DLC1: variants seen among roughly 807,000 people sequenced by gnomAD.
DLC1 encodes DLC1 Rho GTPase activating protein.
In DLC1, 54 loss-of-function variants were observed where a neutral mutation model predicts 140.3. The observed-to-expected ratio is 0.38, with a 90% CI of 0.31 to 0.48. DLC1 has a LOEUF of 0.48. Among genes scored for constraint, DLC1 ranks in the 20% least tolerant of loss-of-function variants. DLC1 has a pLI of 0.96. For synonymous variants in DLC1, 986 were observed against 728.1 expected, an observed-to-expected ratio of 1.35 and a Z score of -5.70; for missense variants, 2,536 against 1,907.0, an observed-to-expected ratio of 1.33 and a Z score of -6.14.
intron 4 of DLC1, among the ~76,000 whole-genome samples, chr8:13,364,379 A>G (rs1369490572): frequency 6.6e-6 from 1 of 151,242 alleles, no homozygotes; most frequent in East Asian, 2.0e-4. Context: ...GCTCACTACA[A>G]TCTCCATCTC....
At chr8:13,475,406 A>G (rs1026834554) in intron 2 of DLC1, among the ~76,000 whole-genome samples, 3 of 152,208 alleles carry the variant, frequency 2.0e-5, no homozygotes, top group Admixed American at 6.5e-5. Flanking sequence ...GTAAAAGGCC[A>G]TCTTTTATAT....
intron 2 of DLC1, among the ~76,000 whole-genome samples, chr8:13,479,771 A>C (rs184172388): frequency 3.5e-4 from 53 of 150,546 alleles, no homozygotes; most frequent in Admixed American, 1.6e-3. Flanking sequence ...TGTCTCAGAA[A>C]GAAAGAAAAG....
chr8:13,280,027 C>T (rs1831310015), intron 5 of DLC1, among the ~76,000 whole-genome samples: 1 of 151,836 alleles, frequency 6.6e-6, no homozygotes. Flanking sequence ...CACCTGTAAT[C>T]CCAGCACTTT....
intron 2 of DLC1, among the ~76,000 whole-genome samples, chr8:13,441,890 T>G (rs1798526345): frequency 6.6e-6 from 1 of 152,172 alleles, no homozygotes; most frequent in Non-Finnish European, 1.5e-5. Context: ...AGGGCCTGCA[T>G]TGCCAAGTCA....
At position 13,597,622 on chromosome 8, in the gene DLC1, A is replaced by G. The variant is rs1363651919; in HGVS notation, c.-126+6915T>C. 2.6e-5 allele frequency among the ~76,000 whole-genome samples: 4 copies of G among 152,086 alleles called. No individual in the cohort carries two copies. In the East Asian group the frequency reaches 7.7e-4, roughly 29 times the overall value. ...TGTAATGTGTGTGTATATATCATGG[A>G]GGATAAATGCTTAAATGGAATTATG... On this transcript the variant is annotated intron_variant, in intron 1 of 1. Coordinates refer to the DLC1 transcript ENST00000631382.
chr8:13,230,123 C>T (rs1828978892), intron 5 of DLC1, among the ~76,000 whole-genome samples: 1 of 152,212 alleles, frequency 6.6e-6, no homozygotes, highest in Admixed American at 6.5e-5. Flanking sequence ...ATTTCATGCA[C>T]ACCAAACAGG....
chr8:13,360,486 C>A (rs1309398306), intron 4 of DLC1, among the ~76,000 whole-genome samples: 2 of 152,158 alleles, frequency 1.3e-5, no homozygotes, highest in Non-Finnish European at 2.9e-5. Context: ...TGCACATTGA[C>A]ATCACCTGGG....
chr8:13,120,356 A>AAAAAAAAAAAAAAAAAAAATATATATAT, intron 5 of DLC1, among the ~76,000 whole-genome samples: 3 of 61,118 alleles, frequency 4.9e-5, no homozygotes, highest in Non-Finnish European at 7.5e-5. Context: ...AAAAAAAAAA[A>AAAAAAAAAAAAAAAAAAAATATATATAT]ATATATATAT....
At chr8:13,275,903 C>T (rs1050376011) in intron 5 of DLC1, among the ~76,000 whole-genome samples, 11 of 152,276 alleles carry the variant, frequency 7.2e-5, no homozygotes, top group African/African-American at 2.4e-4. Context: ...GAGACAGCCC[C>T]GAGGATCTCA....
chr8:13,449,426 C>T (rs186285081), intron 2 of DLC1, among the ~76,000 whole-genome samples: 3 of 152,198 alleles, frequency 2.0e-5, no homozygotes, highest in African/African-American at 4.8e-5. Flanking sequence ...TTTGTTTTAA[C>T]CCAGAAAGTG....
intron 5 of DLC1, among the ~76,000 whole-genome samples, chr8:13,245,686 A>G (rs1245733234): frequency 6.6e-6 from 1 of 151,950 alleles, no homozygotes; most frequent in African/African-American, 2.4e-5. Flanking sequence ...AAATTTTTTT[A>G]TTATTTTATT....
At chr8:13,586,856 A>G (rs991139023) in intron 1 of DLC1, among the ~76,000 whole-genome samples, 2 of 152,116 alleles carry the variant, frequency 1.3e-5, no homozygotes, top group Non-Finnish European at 2.9e-5. Context: ...GGCATTCTCT[A>G]AGGACATGCT....
At chr8:13,112,020 A>G (rs772976528) in intron 6 of DLC1, among the ~76,000 whole-genome samples, 11 of 152,134 alleles carry the variant, frequency 7.2e-5, no homozygotes, top group African/African-American at 2.4e-4. Context: ...GCATGGTGGC[A>G]TGCGGGCTGT....
At chr8:13,567,650 C>G (rs1200410819) in intron 1 of DLC1, 6 of 1,551,582 alleles carry the variant, frequency 3.9e-6, no homozygotes, top group African/African-American at 2.7e-5. Context: ...CAAAAGAAGA[C>G]TTTACTGGAG....
chr8:13,173,215 A>G (rs1267899787), intron 5 of DLC1, among the ~76,000 whole-genome samples: 1 of 152,170 alleles, frequency 6.6e-6, no homozygotes, highest in Non-Finnish European at 1.5e-5. Context: ...AGTGAAGGAA[A>G]GTCTCCTCTG....
In DLC1 at chr8:13,100,672, G is replaced by C; in HGVS notation, c.1665C>G (p.Val555=). Reference sequence around the variant, plus strand: ...GGACCAGGTCTTGTTTTGGAGAAAAGACATCAAACTCTTCAAGCCGGGACC... The same window carrying C: ...GGACCAGGTCTTGTTTTGGAGAAAACACATCAAACTCTTCAAGCCGGGACC... The part of the protein sequence containing the change: ...KRWSRLEEFD[V]FSPKQDLVPG... The change falls in exon 9 of 18, where the codon GTC becomes GTG. Residue 555 remains valine, a synonymous_variant. Transcript: ENST00000276297. The C allele has an allele frequency of 6.2e-7, 1 of 1,614,080 alleles. No individual in the cohort carries two copies. The highest frequency in any genetic ancestry group is 8.5e-7 in the Non-Finnish European group (1 of 1,179,982).
At chr8:13,493,662 T>A (rs1011144759) in intron 2 of DLC1, among the ~76,000 whole-genome samples, 1 of 152,230 alleles carries the variant, frequency 6.6e-6, no homozygotes, top group African/African-American at 2.4e-5. Flanking sequence ...TACAATATAT[T>A]CTATACCTCT....
chr8:13,202,920 C>A (rs74756279), intron 5 of DLC1, among the ~76,000 whole-genome samples: 1 of 152,028 alleles, frequency 6.6e-6, no homozygotes, highest in Non-Finnish European at 1.5e-5. Context: ...GTAATCCACC[C>A]GCCTCAGCCT....
At chr8:13,450,770 G>T (rs1269522124) in intron 2 of DLC1, among the ~76,000 whole-genome samples, 3 of 152,008 alleles carry the variant, frequency 2.0e-5, no homozygotes, top group African/African-American at 7.2e-5. Flanking sequence ...GCCAGGCGCG[G>T]TGGCTCATGC....
Sources: allele counts gnomAD v4.1 joint callset (sites outside exome capture counted in the v4.1 genomes callset), GRCh38; gene constraint gnomAD v4.1.1; transcripts MANE v1.5; gene names NCBI Gene and HGNC (gene_info 2026-07-23, HGNC 2026-07-21).